SMAP1: variants seen among roughly 807,000 people sequenced by gnomAD.
SMAP1 encodes stromal membrane-associated protein 1.
A neutral mutation model predicts 58.5 loss-of-function variants in SMAP1; 24 were observed. The ratio of observed to expected loss-of-function variants is 0.41; its 90% CI spans 0.30 to 0.58. The LOEUF (loss-of-function observed/expected upper bound fraction) is 0.58. Ranked by LOEUF, SMAP1 falls within the 20% of genes least tolerant of loss-of-function variation. The probability of loss-of-function intolerance (pLI) is 0.29; values close to 1 mark genes in which losing one functional copy is unlikely to be tolerated. For missense variants in SMAP1, 563 were observed against 566.3 expected (o/e 0.99, Z 0.06); for synonymous variants, 216 against 196.6 (o/e 1.10, Z -0.82).
intron 1 of SMAP1, among the ~76,000 whole-genome samples, chr6:70,724,622 T>C (rs555747322): frequency 7.2e-5 from 11 of 152,342 alleles, no homozygotes; most frequent in African/African-American, 2.4e-4. Context: ...TCAGCAATAG[T>C]ATGTGGAAAC....
At chr6:70,807,231 C>T (rs1290220807) in intron 6 of SMAP1, among the ~76,000 whole-genome samples, 1 of 152,190 alleles carries the variant, frequency 6.6e-6, no homozygotes, top group Admixed American at 6.5e-5. Context: ...ACCTAAGTCT[C>T]ATTGAGGTTT....
At chr6:70,820,507 C>A (rs917896707) in intron 6 of SMAP1, among the ~76,000 whole-genome samples, 1 of 152,016 alleles carries the variant, frequency 6.6e-6, no homozygotes, top group Non-Finnish European at 1.5e-5. Flanking sequence ...GTCAGGAGAT[C>A]GAGACCATCC....
chr6:70,833,931 G>A (rs1275564261), intron 6 of SMAP1, among the ~76,000 whole-genome samples: 1 of 152,078 alleles, frequency 6.6e-6, no homozygotes, highest in Non-Finnish European at 1.5e-5. Flanking sequence ...CTATATATAT[G>A]TTCTCATTTA....
chr6:70,692,289 T>A (rs1767202049), intron 1 of SMAP1, among the ~76,000 whole-genome samples: 2 of 152,234 alleles, frequency 1.3e-5, no homozygotes, highest in Admixed American at 1.3e-4. Flanking sequence ...GATTATTATA[T>A]TTTTTCCTAT....
chr6:70,719,437 A>G (rs937966516), intron 1 of SMAP1, among the ~76,000 whole-genome samples: 1 of 152,154 alleles, frequency 6.6e-6, no homozygotes, highest in Non-Finnish European at 1.5e-5. Flanking sequence ...CCACCCTTGA[A>G]TCTCCCATCC....
intron 4 of SMAP1, among the ~76,000 whole-genome samples, chr6:70,784,342 A>C (rs1767905634): frequency 6.6e-6 from 1 of 152,194 alleles, no homozygotes; most frequent in African/African-American, 2.4e-5. Context: ...CAGCCACTGC[A>C]AAAACATGCC....
chr6:70,705,853 A>T (rs1767817397), intron 1 of SMAP1, among the ~76,000 whole-genome samples: 1 of 152,214 alleles, frequency 6.6e-6, no homozygotes, highest in African/African-American at 2.4e-5. Flanking sequence ...AGAGAGGCCT[A>T]TAAAATTTGT....
At chr6:70,805,803 G>A (rs564519435) in intron 6 of SMAP1, among the ~76,000 whole-genome samples, 2 of 152,310 alleles carry the variant, frequency 1.3e-5, no homozygotes, top group East Asian at 3.9e-4. Flanking sequence ...GTCTACTGTG[G>A]ACGCTGTTTT....
chr6:70,817,555 T>G (rs1018003152), intron 6 of SMAP1, among the ~76,000 whole-genome samples: 1 of 152,150 alleles, frequency 6.6e-6, no homozygotes, highest in African/African-American at 2.4e-5. Context: ...AAAGTCCCTT[T>G]TAAATGACAA....
chr6:70,772,412 G>T (rs1387067162), intron 3 of SMAP1, among the ~76,000 whole-genome samples: 1 of 152,148 alleles, frequency 6.6e-6, no homozygotes, highest in African/African-American at 2.4e-5. Context: ...GATCCACAGA[G>T]ATATTATATT....
chr6:70,824,509 C>G (rs942477626), intron 6 of SMAP1, among the ~76,000 whole-genome samples: 4 of 151,878 alleles, frequency 2.6e-5, no homozygotes, highest in African/African-American at 4.8e-5. Flanking sequence ...GTTTTTGTTA[C>G]TTAATGTTGT....
chr6:70,846,404 G>T lies in SMAP1; in HGVS notation c.665-6136G>T, dbSNP rs774111713. Among the ~76,000 whole-genome samples the T allele has an allele frequency of 4.6e-5, 7 of 152,148 alleles. No homozygotes were observed. The South Asian group carries it at 1.5e-3, about 32-fold the overall frequency. On this transcript the variant is annotated intron_variant, in intron 7 of 10. Coordinates refer to ENST00000370455, the MANE Select transcript of SMAP1 (RefSeq NM_001044305.3). ...AAGCAGGTGGGACTGGTCATGGCTC[G>T]GGGCTATAAAAGTGGTGCCAGCGAG...
At chr6:70,705,516 G>T (rs1205294200) in intron 1 of SMAP1, among the ~76,000 whole-genome samples, 1 of 152,166 alleles carries the variant, frequency 6.6e-6, no homozygotes, top group African/African-American at 2.4e-5. Flanking sequence ...TTCCCAAACT[G>T]TTGGGATTAC....
chr6:70,739,905 T>G (rs1393952019), intron 2 of SMAP1, among the ~76,000 whole-genome samples: 1 of 152,138 alleles, frequency 6.6e-6, no homozygotes, highest in African/African-American at 2.4e-5. Flanking sequence ...TTTTCTTGAT[T>G]CTGTCATTTT....
chr6:70,725,479 A>G (rs962483114), intron 1 of SMAP1, among the ~76,000 whole-genome samples: 1 of 152,084 alleles, frequency 6.6e-6, no homozygotes, highest in African/African-American at 2.4e-5. Flanking sequence ...ATAGCTGACC[A>G]TGAGCAGTGA....
intron 6 of SMAP1, among the ~76,000 whole-genome samples, chr6:70,800,430 G>T (rs1041407576): frequency 6.6e-6 from 1 of 152,082 alleles, no homozygotes; most frequent in Admixed American, 6.5e-5. Context: ...TATACATAAT[G>T]TATGGGAGAT....
chr6:70,786,082 C>G (rs1323363565), intron 4 of SMAP1, among the ~76,000 whole-genome samples: 1 of 152,176 alleles, frequency 6.6e-6, no homozygotes, highest in Non-Finnish European at 1.5e-5. Flanking sequence ...AATCCAGCAG[C>G]ACATCAAAAA....
chr6:70,788,050 C>T (rs1382856968), intron 4 of SMAP1, among the ~76,000 whole-genome samples: 1 of 151,948 alleles, frequency 6.6e-6, no homozygotes, highest in East Asian at 1.9e-4. Flanking sequence ...GGAACCAACC[C>T]AAATGTCCAA....
At chr6:70,854,300 C>T (rs11968974) in intron 8 of SMAP1, among the ~76,000 whole-genome samples, 4,545 of 152,246 alleles carry the variant, frequency 0.03, 141 homozygotes, top group South Asian at 0.11. Context: ...TAGTATCTTT[C>T]GTCTAAACTT....
Sources: allele counts gnomAD v4.1 joint callset (sites outside exome capture counted in the v4.1 genomes callset), GRCh38; gene constraint gnomAD v4.1.1; transcripts MANE v1.5; gene names NCBI Gene and HGNC (gene_info 2026-07-23, HGNC 2026-07-21).